APLF: variants seen among roughly 807,000 people sequenced by gnomAD.
The protein encoded by APLF is aprataxin and PNKP like factor, also known as aprataxin and PNK-like factor.
APLF carries 61 observed loss-of-function variants against 55.6 expected under a neutral mutation model. The ratio of observed to expected loss-of-function variants is 1.10; its 90% CI spans 0.89 to 1.36. APLF has a LOEUF of 1.36. Ranked by LOEUF, APLF falls within the 40% of genes most tolerant of loss-of-function variation. APLF has a pLI of 0.00. For synonymous variants in APLF, 207 were observed against 214.8 expected (o/e 0.96, Z 0.32); for missense variants, 611 against 602.5 (o/e 1.01, Z -0.15).
At chr2:68,495,983 A>G (rs565533610) in intron 2 of APLF, among the ~76,000 whole-genome samples, 1 of 152,344 alleles carries the variant, frequency 6.6e-6, no homozygotes, top group Non-Finnish European at 1.5e-5. Flanking sequence ...AACCCATGAG[A>G]TCATTCTTCT....
rs1180532124 is a variant in APLF at position 68,577,507 on chromosome 2, G to T, written c.1334-313G>T. On this transcript the variant is annotated intron_variant, in intron 9 of 9. Coordinates refer to ENST00000303795, the MANE Select transcript of APLF (RefSeq NM_173545.3). ...AAGTATAATCATATCACAGGAAGGG[G>T]CAGTGAATAATTGGGACAAAAATAC... Among the ~76,000 whole-genome samples, 4 of 152,150 alleles carry T rather than the reference G, an allele frequency of 2.6e-5. No individual in the cohort carries two copies. In the East Asian group the frequency reaches 7.7e-4, roughly 29 times the overall value.
chr2:68,511,810 G>C (rs907164721), intron 3 of APLF, among the ~76,000 whole-genome samples: 7 of 151,604 alleles, frequency 4.6e-5, no homozygotes, highest in African/African-American at 1.7e-4. Context: ...ACACACAGTA[G>C]AAGTTTTAAA....
chr2:68,482,094 C>CTT (rs36118159), intron 1 of APLF, among the ~76,000 whole-genome samples: 13 of 140,424 alleles, frequency 9.3e-5, no homozygotes, highest in Non-Finnish European at 1.1e-4. Context: ...TTATAAATTT[C>CTT]TTTTTTTTTT....
chr2:68,471,310 A>AT (rs1157206424), intron 1 of APLF, among the ~76,000 whole-genome samples: 1 of 152,192 alleles, frequency 6.6e-6, no homozygotes, highest in Non-Finnish European at 1.5e-5. Flanking sequence ...AAGTTTTAAC[A>AT]TTTTTCCTGT....
At chr2:68,577,740 A>C in intron 9 of APLF, 80 bp from the exon 10 acceptor site, 1 of 1,522,948 alleles carries the variant, frequency 6.6e-7, no homozygotes, top group South Asian at 1.2e-5. Context: ...TGGATGCAGA[A>C]AGACATTTTA....
chr2:68,468,788 C>T (rs1372080362), intron 1 of APLF, among the ~76,000 whole-genome samples: 1 of 152,088 alleles, frequency 6.6e-6, no homozygotes, highest in Non-Finnish European at 1.5e-5. Context: ...AACATGGGTC[C>T]CTACCCTTTA....
chr2:68,484,898 A>G (rs1474321045), intron 1 of APLF, among the ~76,000 whole-genome samples: 3 of 152,040 alleles, frequency 2.0e-5, no homozygotes, highest in Non-Finnish European at 4.4e-5. Context: ...TTTGACTACA[A>G]GTAACAGAAA....
In APLF at chr2:68,577,683, T is replaced by G. The variant is rs1437920336; in HGVS notation, c.1334-137T>G. On this transcript the variant is annotated intron_variant, in intron 9 of 9. Transcript: ENST00000303795. ...AACAAAGCATCATTTTAGTGCCGTTTCCAGAAATTTGTAGTGGTAAGCTAT... is the reference window on the plus strand; with the variant it reads ...AACAAAGCATCATTTTAGTGCCGTTGCCAGAAATTTGTAGTGGTAAGCTAT... 4 of 1,030,564 alleles carry G rather than the reference T, an allele frequency of 3.9e-6. No homozygotes were observed. In the African/African-American group the frequency reaches 6.5e-5, roughly 17 times the overall value. 63.8% of individuals were successfully genotyped at this position (1,030,564 alleles called of 1,614,324 possible). A position where few individuals can be genotyped will look rare whatever the true frequency, so the allele number is the denominator to read the frequency against.
intron 9 of APLF, among the ~76,000 whole-genome samples, chr2:68,575,784 A>G (rs1320010844): frequency 1.3e-5 from 2 of 152,136 alleles, no homozygotes; most frequent in African/African-American, 4.8e-5. Flanking sequence ...TAAAGCAACT[A>G]AAGAGTTATG....
intron 8 of APLF, among the ~76,000 whole-genome samples, chr2:68,553,150 A>G (rs1159189170): frequency 1.3e-5 from 2 of 152,056 alleles, no homozygotes; most frequent in African/African-American, 4.8e-5. Flanking sequence ...TTGGCTTTCT[A>G]AAGTATCACT....
In APLF at chr2:68,519,071, A is replaced by T. The variant is rs1037270918; in HGVS notation, c.622+5391A>T. Reference sequence around the variant, plus strand: ...ATATAATATATAATTAATATATAATAATAATATAATATATAATTAATATAT... The same window carrying T: ...ATATAATATATAATTAATATATAATTATAATATAATATATAATTAATATAT... On this transcript the variant is annotated intron_variant, in intron 5 of 9. Transcript: ENST00000303795. Among the ~76,000 whole-genome samples the T allele has an allele frequency of 5.5e-5, 7 of 126,864 alleles. No homozygotes were observed. In the Admixed American group the frequency reaches 6.2e-4, roughly 11 times the overall value. The allele number at this position is 126,864 out of a possible 152,430, so 83.2% of individuals were successfully genotyped here. A position where few individuals can be genotyped will look rare whatever the true frequency, so the allele number is the denominator to read the frequency against.
rs386390398 is a variant in APLF at position 68,525,742 on chromosome 2, C to CTTTTTTTTTTTTTTTTTTTTTTTTT, written c.623-318_623-294dup. ...TTTATCCTTTTTATTTTCTTTCTTT[C>CTTTTTTTTTTTTTTTTTTTTTTTTT]TTTTTTTTTTTTTTTTTTTTTTTTT... On this transcript the variant is annotated intron_variant, in intron 5 of 9. Transcript: ENST00000303795. 7.3e-5 allele frequency among the ~76,000 whole-genome samples: 6 copies of CTTTTTTTTTTTTTTTTTTTTTTTTT among 82,032 alleles called. 1 individual carries two copies. The highest frequency in any genetic ancestry group is 3.7e-4 in the African/African-American group (6 of 16,186). The allele number at this position is 82,032 out of a possible 152,430, so 53.8% of individuals were successfully genotyped here. A position where few individuals can be genotyped will look rare whatever the true frequency, so the allele number is the denominator to read the frequency against.
rs2103933534 is a variant in APLF at position 68,502,872 on chromosome 2, C to A, written c.310C>A (p.Pro104Thr). 1 of 1,604,922 alleles carries A rather than the reference C, an allele frequency of 6.2e-7. No homozygotes were observed. Among genetic ancestry groups the A allele is most frequent in the Non-Finnish European group, 8.5e-7 (1 of 1,176,948 alleles). ...DKYIFRILSI[P>T]SEVEMQCTLR... ...ATACATTTTCCGCATTCTCTCTATACCCTCTGAAGTGGAAATGCAATGTAC... is the reference window on the plus strand; with the variant it reads ...ATACATTTTCCGCATTCTCTCTATAACCTCTGAAGTGGAAATGCAATGTAC... Residue 104 changes from proline (P) to threonine (T), a missense_variant, in exon 3 of 10, where the codon CCC becomes ACC. Pro to Thr is a conservative substitution (Grantham distance 38). Coordinates refer to ENST00000303795, the MANE Select transcript of APLF (RefSeq NM_173545.3).
In APLF at chr2:68,490,052, C is replaced by T. The variant is rs111618482; in HGVS notation, c.97-138C>T. 2,716 of 498,646 alleles carry T rather than the reference C, an allele frequency of 5.4e-3. 54 individuals are homozygous for T. The highest frequency in any genetic ancestry group is 0.046 in the African/African-American group (2,337 of 50,404). 30.9% of individuals were successfully genotyped at this position (498,646 alleles called of 1,614,324 possible). ...AAATGAGGACAATCATTTCAATATACAGTTGTTGAATGAATGATATATTTC... is the reference window on the plus strand; with the variant it reads ...AAATGAGGACAATCATTTCAATATATAGTTGTTGAATGAATGATATATTTC... On this transcript the variant is annotated intron_variant, in intron 1 of 9. Coordinates refer to ENST00000303795, the MANE Select transcript of APLF (RefSeq NM_173545.3).
At chr2:68,519,380 A>G (rs946317930) in intron 5 of APLF, among the ~76,000 whole-genome samples, 2 of 148,666 alleles carry the variant, frequency 1.3e-5, no homozygotes, top group Non-Finnish European at 1.5e-5. Flanking sequence ...TACCAAGTGA[A>G]AGAAAATGTA....
chr2:68,473,384 C>T (rs1459330576), intron 1 of APLF, among the ~76,000 whole-genome samples: 6 of 152,224 alleles, frequency 3.9e-5, no homozygotes, highest in Admixed American at 2.6e-4. Context: ...ATTCCATTGT[C>T]GGTTTATCCA....
intron 1 of APLF, among the ~76,000 whole-genome samples, chr2:68,478,325 G>A (rs1031523126): frequency 4.6e-5 from 7 of 152,170 alleles, no homozygotes; most frequent in African/African-American, 1.4e-4. Flanking sequence ...AGCTTTCACT[G>A]CAGCTATGCC....
intron 8 of APLF, among the ~76,000 whole-genome samples, chr2:68,560,136 A>T (rs2104050475): frequency 6.6e-6 from 1 of 152,136 alleles, no homozygotes; most frequent in Non-Finnish European, 1.5e-5. Context: ...CTGTATGTTC[A>T]ATCACTCTCT....
intron 1 of APLF, among the ~76,000 whole-genome samples, chr2:68,489,477 G>A (rs1676289259): frequency 6.6e-6 from 1 of 152,182 alleles, no homozygotes; most frequent in Non-Finnish European, 1.5e-5. Context: ...GCTTTGATTG[G>A]CACTGTCAGC....
Sources: allele counts gnomAD v4.1 joint callset (sites outside exome capture counted in the v4.1 genomes callset), GRCh38; gene constraint gnomAD v4.1.1; transcripts MANE v1.5; gene names NCBI Gene and HGNC (gene_info 2026-07-23, HGNC 2026-07-21).